The following MAP4K4 variants were observed in gnomAD, a reference collection of about 807,000 sequenced individuals.
MAP4K4 encodes the protein HPK/GCK-like kinase HGK.
In MAP4K4, 38 loss-of-function variants were observed where a neutral mutation model predicts 189.6. That is an observed-to-expected ratio of 0.20 (90% CI 0.15 to 0.26). The LOEUF is 0.26. Among genes scored for constraint, MAP4K4 ranks in the 10% least tolerant of loss-of-function variants. The probability of loss-of-function intolerance (pLI) is 1.00; values close to 1 mark genes in which losing one functional copy is unlikely to be tolerated. For missense variants in MAP4K4, 1,054 were observed against 1,726.9 expected (o/e 0.61, Z 6.91); for synonymous variants, 610 against 624.3 (o/e 0.98, Z 0.34).
At chr2:101,848,295 G>A (rs1412991196) in intron 12 of MAP4K4, among the ~76,000 whole-genome samples, 3 of 152,186 alleles carry the variant, frequency 2.0e-5, no homozygotes, top group Non-Finnish European at 4.4e-5. Context: ...CTGTACAGAT[G>A]CAGTGCTTTC....
chr2:101,755,761 T>C (rs535342508), intron 2 of MAP4K4, among the ~76,000 whole-genome samples: 52 of 152,274 alleles, frequency 3.4e-4, no homozygotes, highest in African/African-American at 1.2e-3. Flanking sequence ...CCTTGCCTTG[T>C]TACATGGACT....
chr2:101,712,553 G>T (rs1432871040), intron 2 of MAP4K4, among the ~76,000 whole-genome samples: 1 of 151,066 alleles, frequency 6.6e-6, no homozygotes, highest in African/African-American at 2.4e-5. Context: ...AGGCTGGAGT[G>T]CAGTAGCATG....
intron 2 of MAP4K4, among the ~76,000 whole-genome samples, chr2:101,711,806 T>G (rs1042612213): frequency 6.6e-6 from 1 of 151,880 alleles, no homozygotes; most frequent in Non-Finnish European, 1.5e-5. Flanking sequence ...TCATTAGTTT[T>G]CTAGTTAATT....
At chr2:101,765,236 T>C (rs1450815935) in intron 2 of MAP4K4, among the ~76,000 whole-genome samples, 1 of 152,112 alleles carries the variant, frequency 6.6e-6, no homozygotes, top group Non-Finnish European at 1.5e-5. Flanking sequence ...AATATTTGAA[T>C]GTAGACTGGA....
intron 2 of MAP4K4, among the ~76,000 whole-genome samples, chr2:101,782,623 C>G (rs567489208): frequency 6.6e-6 from 1 of 152,208 alleles, no homozygotes; most frequent in African/African-American, 2.4e-5. Flanking sequence ...TCTGGAGGCA[C>G]GTGATGAGAA....
exon 33 of MAP4K4, chr2:101,893,233 CTGG>C (rs1559373836): frequency 6.6e-6 from 3 of 456,424 alleles, no homozygotes; most frequent in Non-Finnish European, 1.3e-5. Context: ...GACACAGCAG[CTGG>C]TGGTTTTGTG....
chr2:101,821,925 CAG>C (rs939961703), intron 3 of MAP4K4, among the ~76,000 whole-genome samples: 2 of 152,108 alleles, frequency 1.3e-5, no homozygotes, highest in African/African-American at 4.8e-5. Flanking sequence ...AAAACGAAGA[CAG>C]AAACACACAC....
chr2:101,807,946 C>T (rs1463107155), intron 3 of MAP4K4, among the ~76,000 whole-genome samples: 1 of 152,218 alleles, frequency 6.6e-6, no homozygotes, highest in African/African-American at 2.4e-5. Context: ...GATCTAGTTA[C>T]CTCCAGGCCC....
intron 2 of MAP4K4, among the ~76,000 whole-genome samples, chr2:101,748,397 GGGA>G (rs534225313): frequency 7.9e-5 from 12 of 152,270 alleles, no homozygotes; most frequent in Non-Finnish European, 1.3e-4. Context: ...GTTCTGCTTT[GGGA>G]AAGCAGGATT....
chr2:101,891,405 C>A (rs2098565531), exon 33 of MAP4K4: 2 of 616,872 alleles, frequency 3.2e-6, no homozygotes, highest in Non-Finnish European at 2.9e-6. Flanking sequence ...CCTTCCTGTT[C>A]CTCTTATATA....
At chr2:101,747,888 G>C (rs1199172853) in intron 2 of MAP4K4, among the ~76,000 whole-genome samples, 1 of 152,122 alleles carries the variant, frequency 6.6e-6, no homozygotes, top group Admixed American at 6.5e-5. Flanking sequence ...TATACTTTTT[G>C]GCACCTCTTC....
intron 2 of MAP4K4, among the ~76,000 whole-genome samples, chr2:101,771,808 A>G (rs1396129951): frequency 6.6e-6 from 1 of 152,248 alleles, no homozygotes; most frequent in Non-Finnish European, 1.5e-5. Context: ...GAAAACTATA[A>G]TGAGAAGACT....
chr2:101,853,534 T>C (rs1191370393), intron 12 of MAP4K4, among the ~76,000 whole-genome samples: 1 of 152,144 alleles, frequency 6.6e-6, no homozygotes, highest in Non-Finnish European at 1.5e-5. Flanking sequence ...CAATCCAGGA[T>C]GTCCAACTTC....
chr2:101,778,356 C>T (rs935805179), intron 2 of MAP4K4, among the ~76,000 whole-genome samples: 10 of 152,320 alleles, frequency 6.6e-5, no homozygotes, highest in Non-Finnish European at 1.5e-4. Context: ...ACCTAATCTC[C>T]AGGCAGTTGT....
chr2:101,797,285 CG>C (rs1360087942), intron 3 of MAP4K4: 1 of 1,290,696 alleles, frequency 7.7e-7, no homozygotes, highest in African/African-American at 1.5e-5. Context: ...CTTACAGCTT[CG>C]TACTGGCTTC....
chr2:101,848,146 C>T (rs1443889578), intron 12 of MAP4K4, among the ~76,000 whole-genome samples: 7 of 152,178 alleles, frequency 4.6e-5, no homozygotes, highest in Admixed American at 2.6e-4. Flanking sequence ...CGACGCATTT[C>T]TAGGAACATA....
chr2:101,834,513 C>T, intron 8 of MAP4K4, 50 bp downstream of exon 8: 1 of 1,448,444 alleles, frequency 6.9e-7, no homozygotes, highest in Non-Finnish European at 9.6e-7. Flanking sequence ...GTGACTTAAA[C>T]CCCTCCCAAG....
At chr2:101,749,435 G>T (rs1400353073) in intron 2 of MAP4K4, among the ~76,000 whole-genome samples, 1 of 150,716 alleles carries the variant, frequency 6.6e-6, no homozygotes, top group African/African-American at 2.4e-5. Context: ...AATAAATGGT[G>T]CTGGGAAAAC....
intron 6 of MAP4K4, chr2:101,829,868 G>A (rs2149402941): frequency 3.4e-6 from 1 of 291,216 alleles, no homozygotes; most frequent in East Asian, 6.5e-5. Context: ...AACCTTAATG[G>A]CTTCCTATTT....
Sources: allele counts gnomAD v4.1 joint callset (sites outside exome capture counted in the v4.1 genomes callset), GRCh38; gene constraint gnomAD v4.1.1; transcripts MANE v1.5; gene names NCBI Gene and HGNC (gene_info 2026-07-23, HGNC 2026-07-21).